The following CLDN10 variants were observed in gnomAD, a reference collection of about 807,000 sequenced individuals.
CLDN10 encodes claudin-10.
A neutral mutation model predicts 22.9 loss-of-function variants in CLDN10; 15 were observed. That is an observed-to-expected ratio of 0.65 (90% CI 0.44 to 1.01). The LOEUF (loss-of-function observed/expected upper bound fraction) is 1.01. Ranked by LOEUF, CLDN10 falls within the 50% of genes least tolerant of loss-of-function variation. The pLI is 0.00. For missense variants in CLDN10, 247 were observed against 287.8 expected (o/e 0.86, Z 1.03); for synonymous variants, 114 against 111.4 (o/e 1.02, Z -0.15).
At chr13:95,530,698 A>G (rs1436866776) in intron 1 of CLDN10, among the ~76,000 whole-genome samples, 1 of 152,174 alleles carries the variant, frequency 6.6e-6, no homozygotes, top group African/African-American at 2.4e-5. Context: ...TTGTGCTTAT[A>G]TTTTTTATTG....
intron 1 of CLDN10, among the ~76,000 whole-genome samples, chr13:95,532,983 C>T (rs563359028): frequency 1.3e-5 from 2 of 151,646 alleles, no homozygotes; most frequent in South Asian, 2.1e-4. Flanking sequence ...GGAGTGGGAT[C>T]GACTGGGAAG....
chr13:95,434,069 G>A lies in CLDN10; in HGVS notation c.214+22G>A, dbSNP rs762196348. Reference sequence around the variant, plus strand: ...GCAGGTAAATATAATGGCTTTGTTTGGGGTGGAGGTAAAATGTACTTTTCC... The same window carrying A: ...GCAGGTAAATATAATGGCTTTGTTTAGGGTGGAGGTAAAATGTACTTTTCC... On this transcript the variant is annotated intron_variant, in intron 1 of 4. Transcript: ENST00000376873. 110 of 1,600,246 alleles carry A rather than the reference G, an allele frequency of 6.9e-5. 2 individuals are homozygous for A. The Middle Eastern group carries it at 8.2e-4, about 12-fold the overall frequency.
chr13:95,540,191 T>C (rs775943053), intron 1 of CLDN10, among the ~76,000 whole-genome samples: 38 of 152,122 alleles, frequency 2.5e-4, no homozygotes, highest in Non-Finnish European at 4.7e-4. Context: ...TCCCAGCTAC[T>C]TGGGAGGCTG....
intron 1 of CLDN10, among the ~76,000 whole-genome samples, chr13:95,504,921 T>A (rs2043022873): frequency 6.6e-6 from 1 of 152,198 alleles, no homozygotes; most frequent in African/African-American, 2.4e-5. Context: ...CTCACTAATT[T>A]CAAGAAGTAG....
At position 95,501,852 on chromosome 13, in the gene CLDN10, GC is replaced by G. The variant is rs529385749; in HGVS notation, c.215-58279del. Among the ~76,000 whole-genome samples, 315 of 152,208 alleles carry G rather than the reference GC, an allele frequency of 2.1e-3. 1 individual carries two copies. Among genetic ancestry groups the G allele is most frequent in the African/African-American group, 7.2e-3 (299 of 41,524 alleles). On this transcript the variant is annotated intron_variant, in intron 1 of 4. Coordinates refer to the CLDN10 transcript ENST00000376873. ...TGGTGGGGGGTTTCTATTTGTTCCA[GC>G]TGCTTTTTGTTCTTCTTTTCTATCT...
In CLDN10 at chr13:95,494,591, C is replaced by T. The variant is rs548860451; in HGVS notation, c.214+60544C>T. 3.8e-4 allele frequency among the ~76,000 whole-genome samples: 58 copies of T among 152,086 alleles called. 1 individual carries two copies. In the South Asian group the frequency reaches 0.01, roughly 27 times the overall value. On this transcript the variant is annotated intron_variant, in intron 1 of 4. Coordinates refer to the CLDN10 transcript ENST00000376873. ...GGCCAGTTATGTTTATTTATTCTTC[C>T]GCTTAATAAAAGAAAAAGTAAATAG...
chr13:95,441,276 G>A (rs1337690393), intron 1 of CLDN10, among the ~76,000 whole-genome samples: 1 of 152,166 alleles, frequency 6.6e-6, no homozygotes, highest in Non-Finnish European at 1.5e-5. Flanking sequence ...TCCTTTTTGA[G>A]ACAGGGTCTT....
At chr13:95,555,259 G>A (rs1233358552) in intron 1 of CLDN10, among the ~76,000 whole-genome samples, 1 of 152,076 alleles carries the variant, frequency 6.6e-6, no homozygotes, top group Non-Finnish European at 1.5e-5. Context: ...ACCATGTTAG[G>A]CTGATCGCGA....
chr13:95,562,467 AC>A (rs1237438910), intron 3 of CLDN10, among the ~76,000 whole-genome samples: 1 of 152,182 alleles, frequency 6.6e-6, no homozygotes, highest in Non-Finnish European at 1.5e-5. Context: ...CCTCAATATA[AC>A]TTTTTTATCC....
At position 95,493,558 on chromosome 13, in the gene CLDN10, C is replaced by CTTT. The variant is rs372832325; in HGVS notation, c.214+59527_214+59529dup. ...TACCCTATATATTTGCCTACCCCCA[C>CTTT]TTTTTTTTTTTTTTTTTTGAGACAC... On this transcript the variant is annotated intron_variant, in intron 1 of 4. Coordinates refer to the CLDN10 transcript ENST00000376873. 1.7e-3 allele frequency among the ~76,000 whole-genome samples: 229 copies of CTTT among 132,272 alleles called. 1 individual carries two copies. Among genetic ancestry groups the CTTT allele is most frequent in the Non-Finnish European group, 2.2e-3 (138 of 62,376 alleles). 86.8% of individuals were successfully genotyped at this position (132,272 alleles called of 152,430 possible).
intron 1 of CLDN10, among the ~76,000 whole-genome samples, chr13:95,524,267 G>C (rs553542686): frequency 1.3e-5 from 2 of 152,042 alleles, no homozygotes; most frequent in Non-Finnish European, 2.9e-5. Flanking sequence ...CCTTTCACAC[G>C]TTTTGAAAAG....
At chr13:95,442,403 A>T (rs2042332776) in intron 1 of CLDN10, among the ~76,000 whole-genome samples, 1 of 152,190 alleles carries the variant, frequency 6.6e-6, no homozygotes, top group Admixed American at 6.5e-5. Flanking sequence ...GTGTCTTGTC[A>T]TATTTTTCAT....
chr13:95,499,345 C>T lies in CLDN10; in HGVS notation c.215-60787C>T, dbSNP rs961902635. On this transcript the variant is annotated intron_variant, in intron 1 of 4. Coordinates refer to the CLDN10 transcript ENST00000376873. ...TCACCTGAGGTCAGGAGTTCTAGAC[C>T]ACCCTAGCCAACATGGTGAAACCCC... 4.6e-5 allele frequency among the ~76,000 whole-genome samples: 7 copies of T among 152,130 alleles called. No homozygotes were observed. In the South Asian group the frequency reaches 8.3e-4, roughly 18 times the overall value.
intron 1 of CLDN10, among the ~76,000 whole-genome samples, chr13:95,525,917 T>C (rs541914976): frequency 6.6e-6 from 1 of 152,300 alleles, no homozygotes; most frequent in South Asian, 2.1e-4. Flanking sequence ...GCAGTGAGGA[T>C]TTCTCCTCAC....
chr13:95,483,498 T>C (rs1394443746), intron 1 of CLDN10, among the ~76,000 whole-genome samples: 2 of 152,264 alleles, frequency 1.3e-5, no homozygotes, highest in African/African-American at 4.8e-5. Context: ...CATGACCCAC[T>C]GTGCCCGGCC....
At chr13:95,468,093 T>A (rs920579345) in intron 1 of CLDN10, among the ~76,000 whole-genome samples, 1 of 152,198 alleles carries the variant, frequency 6.6e-6, no homozygotes, top group Non-Finnish European at 1.5e-5. Flanking sequence ...GAATAATGTC[T>A]GACCAAATAT....
intron 1 of CLDN10, among the ~76,000 whole-genome samples, chr13:95,438,732 ACT>A (rs760208499): frequency 3.3e-5 from 5 of 152,106 alleles, no homozygotes; most frequent in South Asian, 4.1e-4. Flanking sequence ...TAATCCCAGC[ACT>A]TTGGGAGGCC....
rs897219696 is a variant in CLDN10 at position 95,496,701 on chromosome 13, G to T, written c.214+62654G>T. Among the ~76,000 whole-genome samples, 8 of 152,130 alleles carry T rather than the reference G, an allele frequency of 5.3e-5. No individual in the cohort carries two copies. The East Asian group carries it at 1.5e-3, about 29-fold the overall frequency. ...CCTTGTCTCTTCCTCTTCTTGTAAG[G>T]GCACTAATCCCACCACGGGGGCCCC... On this transcript the variant is annotated intron_variant, in intron 1 of 4. Coordinates refer to the CLDN10 transcript ENST00000376873.
rs183281365 is a variant in CLDN10, at chr13:95,542,103, G to T, written c.215-18029G>T. Among the ~76,000 whole-genome samples, 633 of 152,314 alleles carry T rather than the reference G, an allele frequency of 4.2e-3. 6 individuals are homozygous for T. The highest frequency in any genetic ancestry group is 6.4e-3 in the Non-Finnish European group (436 of 68,036). ...ATGGCCAGAGCAAGAGCAAGAGAGC[G>T]AGGTGGGAAGTGCTACACATTTTTA... On this transcript the variant is annotated intron_variant, in intron 1 of 4. Transcript: ENST00000376873.
Sources: gnomAD v4.1 joint callset for allele counts (sites outside exome capture counted in the v4.1 genomes callset) on GRCh38, gnomAD v4.1.1 for gene constraint, MANE v1.5 for transcripts, NCBI Gene and HGNC (gene_info 2026-07-23, HGNC 2026-07-21) for gene names.